Variants in H1-8 observed in about 807,000 individuals in gnomAD.
The protein encoded by H1-8 is histone H1.8.
Under a neutral mutation model 19.5 loss-of-function variants are expected in H1-8, and 13 were observed. The observed-to-expected ratio is 0.67, with a 90% CI of 0.43 to 1.06. The LOEUF (loss-of-function observed/expected upper bound fraction) is 1.06. H1-8 is among the 50% of genes least tolerant of loss of function. The pLI is 0.00. For synonymous variants in H1-8, 193 were observed against 187.6 expected, an observed-to-expected ratio of 1.03 and a Z score of -0.24; for missense variants, 432 against 459.8, an observed-to-expected ratio of 0.94 and a Z score of 0.55.
intron 1 of H1-8, among the ~76,000 whole-genome samples, chr3:129,544,475 A>AAGGGCCC (rs2084873990): frequency 6.6e-6 from 1 of 151,392 alleles, no homozygotes; most frequent in Admixed American, 6.6e-5. Flanking sequence ...GTGAGGAGGA[A>AAGGGCCC]AGGGCCCAGA....
rs778811562 is a variant in H1-8, at chr3:129,551,170, G to A, written c.871G>A (p.Ala291Thr). Reference sequence around the variant, plus strand: ...GGTGGCCAAGGCCAAGGCCCCTAAAGCTGGGCAGGGGCCAAACACCAAGGC... The same window carrying A: ...GGTGGCCAAGGCCAAGGCCCCTAAAACTGGGCAGGGGCCAAACACCAAGGC... ...KVVAKAKAPK[A>T]GQGPNTKAAA... Residue 291 changes from alanine to threonine, a missense_variant, in exon 5 of 5, where the codon GCT becomes ACT. Transcript: ENST00000324382. 3.1e-6 allele frequency: 5 copies of A among 1,614,260 alleles called. No individual in the cohort carries two copies. Among genetic ancestry groups the A allele is most frequent in the Non-Finnish European group, 4.2e-6 (5 of 1,180,050 alleles).
intron 1 of H1-8, among the ~76,000 whole-genome samples, chr3:129,544,483 A>C (rs2084874076): frequency 6.6e-6 from 1 of 151,528 alleles, no homozygotes; most frequent in Non-Finnish European, 1.5e-5. Context: ...GAAAGGGCCC[A>C]GAATGCCCCC....
At chr3:129,544,679 G>GC (rs2084875431) in intron 1 of H1-8, among the ~76,000 whole-genome samples, 1 of 151,864 alleles carries the variant, frequency 6.6e-6, no homozygotes, top group Non-Finnish European at 1.5e-5. Flanking sequence ...GACTCCTGGG[G>GC]GTGGCTCTCT....
In H1-8 at chr3:129,550,733, A is replaced by G. The variant is rs747074569; in HGVS notation, c.743-12A>G. ...CTTCTTCCCCTATAAAACCTCCTCC[A>G]TCAAATTCCAGGAGATGCTGAGGCC... On this transcript the variant is annotated splice_polypyrimidine_tract_variant and intron_variant, in intron 3 of 4. Coordinates refer to ENST00000324382, the MANE Select transcript of H1-8 (RefSeq NM_153833.3). The G allele has an allele frequency of 1.2e-6, 2 of 1,613,324 alleles. No individual in the cohort carries two copies. Among genetic ancestry groups the G allele is most frequent in the South Asian group, 1.1e-5 (1 of 91,052 alleles).
intron 2 of H1-8, chr3:129,548,360 C>G (rs1490854667): frequency 6.1e-6 from 6 of 986,084 alleles, no homozygotes; most frequent in Non-Finnish European, 7.2e-6. Context: ...GGTAGAACTC[C>G]TGGGCGTGGG....
At position 129,547,517 on chromosome 3, in the gene H1-8, C is replaced by T. The variant is rs777393697; in HGVS notation, c.215C>T (p.Thr72Met). ...ALQAGEQRRGTSVAAIKLYIL... is the reference protein window; with the variant it reads ...ALQAGEQRRGMSVAAIKLYIL... The stretch of plus-strand genomic sequence containing the variant: ...CAGGCTGGGGAGCAGCGCCGGGGCA[C>T]GTCGGTGGCAGCTATCAAGCTCTAC... The change falls in exon 2 of 5, where the codon ACG (threonine) becomes ATG (methionine). Residue 72 changes from threonine to methionine, a missense_variant. Thr to Met is a moderately conservative substitution (Grantham distance 81, BLOSUM62 -1). Transcript: ENST00000324382. 16 of 1,574,326 alleles carry T rather than the reference C, an allele frequency of 1.0e-5. No homozygotes were observed. Among genetic ancestry groups the T allele is most frequent in the East Asian group, 4.7e-5 (2 of 42,700 alleles).
intron 3 of H1-8, 64 bp downstream of exon 3, chr3:129,549,428 G>T: frequency 6.7e-7 from 1 of 1,503,598 alleles, no homozygotes; most frequent in Non-Finnish European, 8.8e-7. Context: ...TGGAGCGGGG[G>T]CGGGGAGCCA....
chr3:129,551,065 C>G lies in H1-8; in HGVS notation c.808-42C>G, dbSNP rs369716308. ...AGCCACCCAGAGCTGGGATTTCAGCCCTTCCCAGCTGTCTCTTTGCTCCTG... is the reference window on the plus strand; with the variant it reads ...AGCCACCCAGAGCTGGGATTTCAGCGCTTCCCAGCTGTCTCTTTGCTCCTG... On this transcript the variant is annotated intron_variant, in intron 4 of 4. Transcript: ENST00000324382. 684 of 1,549,520 alleles carry G rather than the reference C, an allele frequency of 4.4e-4. 4 individuals carry two copies. Among genetic ancestry groups the G allele is most frequent in the South Asian group, 7.3e-4 (63 of 86,588 alleles).
chr3:129,549,805 T>C (rs1393783471), intron 3 of H1-8, among the ~76,000 whole-genome samples: 2 of 151,918 alleles, frequency 1.3e-5, no homozygotes, highest in African/African-American at 4.8e-5. Context: ...AATACAAAAA[T>C]TAGCTGGGCA....
At chr3:129,544,333 G>T (rs2084872548) in intron 1 of H1-8, among the ~76,000 whole-genome samples, 1 of 152,006 alleles carries the variant, frequency 6.6e-6, no homozygotes, top group Non-Finnish European at 1.5e-5. Flanking sequence ...GGAGGTGAGG[G>T]GTGTGAGATA....
At chr3:129,544,872 G>A (rs189246343) in intron 1 of H1-8, among the ~76,000 whole-genome samples, 4 of 152,108 alleles carry the variant, frequency 2.6e-5, no homozygotes, top group African/African-American at 9.6e-5. Context: ...TGAAACTCCC[G>A]AGAACCCGGG....
rs1469430415 is a variant in H1-8, at chr3:129,549,308, C to T, written c.686C>T (p.Ser229Phe). 1.2e-6 allele frequency: 2 copies of T among 1,607,064 alleles called. No individual in the cohort carries two copies. The highest frequency in any genetic ancestry group is 1.7e-4 in the Middle Eastern group (1 of 5,782). Residue 229 changes from serine (S) to phenylalanine (F), a missense_variant, in exon 3 of 5, where the codon TCC (serine) becomes TTC (phenylalanine). Transcript: ENST00000324382. ...PKPDKAMRAP[S>F]SAGGLSRKAK... ...CCAGACAAGGCCATGCGGGCACCTT[C>T]CAGTGCTGGTGGGCTCAGCAGGAAG...
At chr3:129,548,386 G>T in intron 2 of H1-8, 1 of 986,342 alleles carries the variant, frequency 1.0e-6, no homozygotes, top group African/African-American at 1.7e-5. Context: ...GCCTGGACTT[G>T]CGTCACAGCA....
At position 129,547,193 on chromosome 3, in the gene H1-8, C is replaced by T. The variant is rs544082399; in HGVS notation, c.89-198C>T. Among the ~76,000 whole-genome samples the T allele has an allele frequency of 7.2e-5, 11 of 152,138 alleles. No individual in the cohort carries two copies. The South Asian group carries it at 2.3e-3, about 32-fold the overall frequency. ...GCCTGGGGACATAGAGAGACAGTGT[C>T]TCAAAGAAAAAAAGAGAGAGAGACT... On this transcript the variant is annotated intron_variant, in intron 1 of 4. Coordinates refer to ENST00000324382, the MANE Select transcript of H1-8 (RefSeq NM_153833.3).
intron 3 of H1-8, among the ~76,000 whole-genome samples, 193 bp from the exon 4 acceptor site, chr3:129,550,552 G>A (rs2084925588): frequency 6.6e-6 from 1 of 152,148 alleles, no homozygotes; most frequent in Non-Finnish European, 1.5e-5. Flanking sequence ...ACTCTGTGAG[G>A]GGCATGCTAT....
rs974083849 is a variant in H1-8, at chr3:129,547,495, G to C, written c.193G>C (p.Ala65Pro). 1.3e-6 allele frequency: 2 copies of C among 1,562,682 alleles called. No homozygotes were observed. Among genetic ancestry groups the C allele is most frequent in the Non-Finnish European group, 1.7e-6 (2 of 1,153,898 alleles). ...ACGCATGGTGCTGGAGGCGCTGCAG[G>C]CTGGGGAGCAGCGCCGGGGCACGTC... ...VLRMVLEALQAGEQRRGTSVA... is the reference protein window; with the variant it reads ...VLRMVLEALQPGEQRRGTSVA... The change falls in exon 2 of 5, where the codon GCT (alanine) becomes CCT (proline). Residue 65 changes from alanine (A) to proline (P), a missense_variant. Physicochemically the swap from Ala to Pro is conservative, Grantham distance 27 (BLOSUM62 -1). Transcript: ENST00000324382.
rs1327255947 is a variant in H1-8, at chr3:129,547,824, C to T, written c.378+144C>T. ...GTGGTCTCAGCCGAGATGCCCTCTC[C>T]TCTAGGAAGGCAGGTAGTGTGCCCT... is the stretch of plus-strand genomic sequence containing the variant. On this transcript the variant is annotated intron_variant, in intron 2 of 4. Transcript: ENST00000324382. The T allele has an allele frequency of 4.2e-5, 32 of 762,592 alleles. No individual in the cohort carries two copies. In the Admixed American group the frequency reaches 9.1e-4, roughly 22 times the overall value. The allele number at this position is 762,592 out of a possible 1,614,324, so 47.2% of individuals were successfully genotyped here. A position where few individuals can be genotyped will look rare whatever the true frequency, so the allele number is the denominator to read the frequency against.
chr3:129,548,642 C>A (rs1159352669), intron 2 of H1-8, among the ~76,000 whole-genome samples: 1 of 152,060 alleles, frequency 6.6e-6, no homozygotes, highest in Non-Finnish European at 1.5e-5. Context: ...GCGGAGGAAG[C>A]TGTGAGCCCA....
rs545813752 is a variant in H1-8 at position 129,543,584 on chromosome 3, A to AGCTGGAGCCCGTTTCCT, written c.88+284_88+300dup. Among the ~76,000 whole-genome samples, 1,384 of 152,330 alleles carry AGCTGGAGCCCGTTTCCT rather than the reference A, an allele frequency of 9.1e-3. 15 individuals are homozygous for AGCTGGAGCCCGTTTCCT. The highest frequency in any genetic ancestry group is 0.011 in the Non-Finnish European group (750 of 68,030). ...TCAGGGAAGAGCCACAGGGCCTTCC[A>AGCTGGAGCCCGTTTCCT]GCTGGAGCCCGTTTCCTGCTGGGAC... On this transcript the variant is annotated intron_variant, in intron 1 of 4. Coordinates refer to ENST00000324382, the MANE Select transcript of H1-8 (RefSeq NM_153833.3).
Sources: allele counts gnomAD v4.1 joint callset (sites outside exome capture counted in the v4.1 genomes callset), GRCh38; gene constraint gnomAD v4.1.1; transcripts MANE v1.5; gene names NCBI Gene and HGNC (gene_info 2026-07-23, HGNC 2026-07-21).